Variants in TXLNG observed in about 807,000 individuals in gnomAD.
The protein encoded by TXLNG is taxilin gamma.
A neutral mutation model predicts 38.8 loss-of-function variants in TXLNG; 5 were observed. The ratio of observed to expected loss-of-function variants is 0.13; its 90% CI spans 0.07 to 0.27. TXLNG has a LOEUF of 0.27. TXLNG is among the 10% of genes least tolerant of loss of function. TXLNG has a pLI of 1.00. For synonymous variants in TXLNG, 182 were observed against 158.2 expected (o/e 1.15, Z -1.13); for missense variants, 393 against 398.2 (o/e 0.99, Z 0.11).
intron 1 of TXLNG, among the ~76,000 whole-genome samples, chrX:16,800,064 C>T (rs1350250176): frequency 9.3e-6 from 1 of 108,082 alleles, no homozygotes; most frequent in African/African-American, 3.4e-5. Context: ...CTCAGCCTCC[C>T]GAGTAGCTGG....
intron 1 of TXLNG, among the ~76,000 whole-genome samples, chrX:16,810,827 C>T (rs1012732392): frequency 9.0e-6 from 1 of 111,044 alleles, no homozygotes; most frequent in African/African-American, 3.3e-5. Context: ...TTTCCAGGCA[C>T]GTGCCACCAT....
In TXLNG at chrX:16,806,615, C is replaced by T. The variant is rs368305715; in HGVS notation, c.103-11959C>T. ...TGGCCAACATGGCAAAACCCCGTCT[C>T]TACTAAAAAATACAAAAATTGGCCG... is the stretch of plus-strand genomic sequence containing the variant. On this transcript the variant is annotated intron_variant, in intron 1 of 9. Transcript: ENST00000380122. Among the ~76,000 whole-genome samples the T allele has an allele frequency of 1.8e-4, 20 of 110,665 alleles. No homozygotes were observed. The East Asian group carries it at 5.7e-3, about 32-fold the overall frequency.
Position 16,840,040 on chromosome X carries a change from G to A in TXLNG, c.1248+124G>A, listed in dbSNP as rs765647807. On this transcript the variant is annotated intron_variant, in intron 9 of 9. Coordinates refer to ENST00000380122, the MANE Select transcript of TXLNG (RefSeq NM_018360.3). ...ACCATAGTTGAGGACTCCAGCCCGC[G>A]TTGGGGCGGGGGTGGGGATGAGTTG... 57 of 493,562 alleles carry A rather than the reference G, an allele frequency of 1.2e-4. No individual in the cohort carries two copies. The South Asian group carries it at 2.5e-3, about 22-fold the overall frequency. 40.7% of individuals were successfully genotyped at this position (493,562 alleles called of 1,213,427 possible).
In TXLNG at chrX:16,805,007, T is replaced by TTTTTTTTTTTTTTTTTTTTTTTTG. The variant is rs1162642529; in HGVS notation, c.103-13567_103-13566insTTTTTTTTTTTTTTTTTTTTTTTG. Reference sequence around the variant, plus strand: ...CCGCTTTTTTTTTTTTTTTTTTTTTTGAGAGACAGAGCCTGGCTGTGTTGC... The same window carrying TTTTTTTTTTTTTTTTTTTTTTTTG: ...CCGCTTTTTTTTTTTTTTTTTTTTTTTTTTTTTTTTTTTTTTTTTTTTTGGAGAGACAGAGCCTGGCTGTGTTGC... On this transcript the variant is annotated intron_variant, in intron 1 of 9. Transcript: ENST00000380122. 5.2e-5 allele frequency among the ~76,000 whole-genome samples: 2 copies of TTTTTTTTTTTTTTTTTTTTTTTTG among 38,723 alleles called. 1 individual carries two copies. The highest frequency in any genetic ancestry group is 1.0e-4 in the Non-Finnish European group (2 of 20,073). 33.6% of individuals were successfully genotyped at this position (38,723 alleles called of 115,157 possible).
intron 1 of TXLNG, among the ~76,000 whole-genome samples, chrX:16,789,509 A>G (rs1393793456): frequency 1.9e-5 from 2 of 107,764 alleles, no homozygotes; most frequent in Non-Finnish European, 3.8e-5. Context: ...CAGTGTGGCT[A>G]GTGGCTACTG....
intron 8 of TXLNG, among the ~76,000 whole-genome samples, chrX:16,838,159 C>A (rs752835047): frequency 8.9e-6 from 1 of 111,783 alleles, no homozygotes; most frequent in South Asian, 3.7e-4. Context: ...TCTTTCTCCC[C>A]TGACCCAACC....
At chrX:16,818,917 T>A (rs771304813) in intron 2 of TXLNG, 40 bp downstream of exon 2, 11 of 1,139,921 alleles carry the variant, frequency 9.6e-6, no homozygotes, top group Admixed American at 8.4e-5. Context: ...CACATGCTAA[T>A]CATTTTACTT....
chrX:16,806,871 C>T (rs1377989394), intron 1 of TXLNG, among the ~76,000 whole-genome samples: 1 of 95,777 alleles, frequency 1.0e-5, no homozygotes, highest in Non-Finnish European at 2.1e-5. Context: ...GAGCCGAGGT[C>T]GTGCCACTGC....
chrX:16,810,191 A>G (rs913857116), intron 1 of TXLNG, among the ~76,000 whole-genome samples: 16 of 111,999 alleles, frequency 1.4e-4, no homozygotes, highest in African/African-American at 4.2e-4. Context: ...TAGTGCCTGG[A>G]TGTACTATTT....
intron 1 of TXLNG, among the ~76,000 whole-genome samples, chrX:16,788,126 G>A (rs1213272488): frequency 8.9e-6 from 1 of 112,360 alleles, no homozygotes; most frequent in Admixed American, 9.5e-5. Context: ...TTCCCTAAGG[G>A]TGGAGTGCCA....
At chrX:16,798,472 G>A (rs1222954479) in intron 1 of TXLNG, among the ~76,000 whole-genome samples, 1 of 111,756 alleles carries the variant, frequency 8.9e-6, no homozygotes, top group Non-Finnish European at 1.9e-5. Context: ...ACCATAGTTT[G>A]TCTATTTAAA....
intron 1 of TXLNG, chrX:16,803,162 CGCT>C (rs2147467310): frequency 9.0e-6 from 1 of 110,717 alleles, no homozygotes; most frequent in African/African-American, 3.3e-5. Flanking sequence ...GTCGGACACC[CGCT>C]GCCTCCACCA....
In TXLNG at chrX:16,841,952, T is replaced by C; in HGVS notation, c.*186T>C. The C allele has an allele frequency of 2.1e-6, 1 of 479,897 alleles. No individual in the cohort carries two copies. Among genetic ancestry groups the C allele is most frequent in the East Asian group, 3.8e-5 (1 of 26,567 alleles). 39.5% of individuals were successfully genotyped at this position (479,897 alleles called of 1,213,427 possible). A position where few individuals can be genotyped will look rare whatever the true frequency, so the allele number is the denominator to read the frequency against. On this transcript the variant is annotated 3_prime_UTR_variant, in exon 10 of 10. Coordinates refer to ENST00000380122, the MANE Select transcript of TXLNG (RefSeq NM_018360.3). Reference sequence around the variant, plus strand: ...GTTTTGAATAGTTTAATCTATAAATTTTCCTCAGCTGTGTTGCACATCAGC... The same window carrying C: ...GTTTTGAATAGTTTAATCTATAAATCTTCCTCAGCTGTGTTGCACATCAGC...
intron 1 of TXLNG, among the ~76,000 whole-genome samples, chrX:16,788,449 A>G (rs1170293298): frequency 2.7e-5 from 3 of 111,447 alleles, no homozygotes; most frequent in Non-Finnish European, 5.6e-5. Flanking sequence ...TTTGATTTCT[A>G]ACTGACAGTG....
chrX:16,832,934 G>A (rs904154290), intron 6 of TXLNG, among the ~76,000 whole-genome samples, 192 bp downstream of exon 6: 1 of 112,106 alleles, frequency 8.9e-6, no homozygotes, highest in African/African-American at 3.2e-5. Context: ...GTGTTAGAAA[G>A]CATTTGGCTG....
chrX:16,832,392 C>T (rs1231380106), intron 5 of TXLNG, among the ~76,000 whole-genome samples: 3 of 112,227 alleles, frequency 2.7e-5, no homozygotes, highest in Non-Finnish European at 5.6e-5. Flanking sequence ...GGGGAACAGG[C>T]AACAGTCAAA....
chrX:16,839,991 G>A lies in TXLNG; in HGVS notation c.1248+75G>A, dbSNP rs189049728. ...TTGAGTTCAGGTACCTATCGGGGCC[G>A]GGGACGTGTGCTGTAACACTACTAC... On this transcript the variant is annotated intron_variant, in intron 9 of 9. Transcript: ENST00000380122. 1.5e-4 allele frequency: 115 copies of A among 790,348 alleles called. No individual in the cohort carries two copies. In the African/African-American group the frequency reaches 2.2e-3, roughly 15 times the overall value. 65.1% of individuals were successfully genotyped at this position (790,348 alleles called of 1,213,427 possible).
At chrX:16,827,285 C>T (rs755744916) in intron 3 of TXLNG, among the ~76,000 whole-genome samples, 19 of 111,794 alleles carry the variant, frequency 1.7e-4, no homozygotes, top group African/African-American at 5.2e-4. Context: ...TGGATTTCAG[C>T]GGGTTTTTTG....
intron 3 of TXLNG, among the ~76,000 whole-genome samples, chrX:16,822,902 A>C (rs902118192): frequency 1.8e-5 from 2 of 111,776 alleles, no homozygotes; most frequent in South Asian, 3.8e-4. Context: ...AACAGTGATG[A>C]TGCTGCCAGA....
Sources: gnomAD v4.1 joint callset for allele counts (sites outside exome capture counted in the v4.1 genomes callset) on GRCh38, gnomAD v4.1.1 for gene constraint, MANE v1.5 for transcripts, NCBI Gene and HGNC (gene_info 2026-07-23, HGNC 2026-07-21) for gene names.